ZNF66: variants seen among roughly 807,000 people sequenced by gnomAD.
ZNF66 encodes zinc finger protein 66.
Under a neutral mutation model 35.2 loss-of-function variants are expected in ZNF66, and 32 were observed. That is an observed-to-expected ratio of 0.91 (90% CI 0.69 to 1.22). The LOEUF (loss-of-function observed/expected upper bound fraction) is 1.22. Among genes scored for constraint, ZNF66 ranks in the 50% most tolerant of loss-of-function variants. ZNF66 has a pLI of 0.00. For synonymous variants in ZNF66, 231 were observed against 181.3 expected (o/e 1.27, Z -2.20); for missense variants, 666 against 543.1 (o/e 1.23, Z -2.25).
In ZNF66 at chr19:20,806,520, A is replaced by T; in HGVS notation, c.920A>T (p.His307Leu). ...LSSLSTHKII[H>L]TGEKPYKCEE... ...TCCCTTTCTACACATAAGATAATTCATACTGGAGAGAAACCCTACAAATGT... is the reference window on the plus strand; with the variant it reads ...TCCCTTTCTACACATAAGATAATTCTTACTGGAGAGAAACCCTACAAATGT... Residue 307 changes from histidine (H) to leucine (L), a missense_variant, in exon 4 of 4, where the codon CAT (histidine) becomes CTT (leucine). Coordinates refer to ENST00000344519, the MANE Select transcript of ZNF66 (RefSeq NM_001355197.2). 6.5e-7 allele frequency: 1 copy of T among 1,529,214 alleles called. No homozygotes were observed. Among genetic ancestry groups the T allele is most frequent in the Non-Finnish European group, 9.1e-7 (1 of 1,104,026 alleles). 94.7% of individuals were successfully genotyped at this position (1,529,214 alleles called of 1,614,324 possible).
At chr19:20,788,220 C>T (rs896600033) in intron 1 of ZNF66, among the ~76,000 whole-genome samples, 5 of 152,120 alleles carry the variant, frequency 3.3e-5, no homozygotes, top group African/African-American at 1.2e-4. Context: ...CATTAAAAAA[C>T]CATGAAGCAG....
chr19:20,803,321 T>TTA (rs1555783527), intron 3 of ZNF66, among the ~76,000 whole-genome samples: 1 of 151,452 alleles, frequency 6.6e-6, no homozygotes. Context: ...CTTTTTTTTT[T>TTA]ATCTTTGTAT....
Position 20,781,939 on chromosome 19 carries a change from A to AT in ZNF66, c.3+5493dup, listed in dbSNP as rs377399196. 3.0e-3 allele frequency among the ~76,000 whole-genome samples: 461 copies of AT among 151,334 alleles called. 2 individuals are homozygous for AT. Among genetic ancestry groups the AT allele is most frequent in the African/African-American group, 0.011 (446 of 41,226 alleles). ...ATATTTTGTTTTGACTAAATCTTTT[A>AT]TTTTATTTTATAGTTGGAGACAGAG... On this transcript the variant is annotated intron_variant, in intron 1 of 3. Transcript: ENST00000344519.
At chr19:20,789,741 A>G (rs1275350926) in intron 1 of ZNF66, among the ~76,000 whole-genome samples, 1 of 152,130 alleles carries the variant, frequency 6.6e-6, no homozygotes, top group Admixed American at 6.6e-5. Context: ...GAAATCCTGG[A>G]AATTATTAAA....
Position 20,806,063 on chromosome 19 carries a change from C to T in ZNF66, c.463C>T (p.His155Tyr), listed in dbSNP as rs538020538. The change falls in exon 4 of 4, where the codon CAT (histidine) becomes TAT (tyrosine). Residue 155 changes from histidine (H) to tyrosine (Y), a missense_variant. Transcript: ENST00000344519. ...FQCDKHGKVF[H>Y]QFSNTNRHKI... Reference sequence around the variant, plus strand: ...ATGTGATAAACATGGGAAAGTCTTTCATCAATTTTCAAATACAAACAGACA... The same window carrying T: ...ATGTGATAAACATGGGAAAGTCTTTTATCAATTTTCAAATACAAACAGACA... 9 of 846,186 alleles carry T rather than the reference C, an allele frequency of 1.1e-5. No individual in the cohort carries two copies. Among genetic ancestry groups the T allele is most frequent in the Non-Finnish European group, 1.8e-5 (9 of 501,358 alleles). The allele number at this position is 846,186 out of a possible 1,614,324, so 52.4% of individuals were successfully genotyped here. A position where few individuals can be genotyped will look rare whatever the true frequency, so the allele number is the denominator to read the frequency against.
chr19:20,794,092 C>A, intron 3 of ZNF66: 1 of 569,258 alleles, frequency 1.8e-6, no homozygotes, highest in Non-Finnish European at 3.1e-6. Context: ...TCTAAAAATT[C>A]TACTTTTCTC....
At chr19:20,804,437 G>T (rs62125624) in intron 3 of ZNF66, among the ~76,000 whole-genome samples, 20,030 of 151,806 alleles carry the variant, frequency 0.13, 1,540 homozygotes, top group African/African-American at 0.2. Context: ...TAGAGATAAG[G>T]TTTCACCATG....
At chr19:20,779,029 C>T (rs73543385) in intron 1 of ZNF66, among the ~76,000 whole-genome samples, 2,008 of 152,228 alleles carry the variant, frequency 0.013, 40 homozygotes, top group African/African-American at 0.046. Flanking sequence ...AGCCTGCTCA[C>T]CCCAGCCATA....
intron 3 of ZNF66, 90 bp from the exon 4 acceptor site, chr19:20,805,737 G>A (rs1438658908): frequency 4.5e-6 from 2 of 444,880 alleles, no homozygotes; most frequent in Non-Finnish European, 8.0e-6. Context: ...TCTTGTTTAT[G>A]TAGTTTGTAT....
chr19:20,804,021 T>G (rs148118944), intron 3 of ZNF66, among the ~76,000 whole-genome samples: 152 of 152,230 alleles, frequency 1.0e-3, no homozygotes, highest in African/African-American at 3.6e-3. Context: ...TTCTCTTATC[T>G]GTGATTTTTG....
At chr19:20,805,126 T>TGTGTGTGTGAGAGAGA (rs752355466) in intron 3 of ZNF66, among the ~76,000 whole-genome samples, 16 of 146,078 alleles carry the variant, frequency 1.1e-4, no homozygotes, top group African/African-American at 3.8e-4. Context: ...TGTGTGTGTG[T>TGTGTGTGTGAGAGAGA]GAGAGAGAGA....
intron 2 of ZNF66, among the ~76,000 whole-genome samples, chr19:20,792,965 G>A (rs541799952): frequency 6.6e-6 from 1 of 152,068 alleles, no homozygotes; most frequent in East Asian, 1.9e-4. Context: ...GACTCAGGAG[G>A]GTGAGGCAGG....
chr19:20,804,409 A>AT (rs1201445920), intron 3 of ZNF66, among the ~76,000 whole-genome samples: 1 of 151,694 alleles, frequency 6.6e-6, no homozygotes, highest in African/African-American at 2.4e-5. Flanking sequence ...ACACTTGGCT[A>AT]TTTTTTTATA....
rs779222957 is a variant in ZNF66 at position 20,806,589 on chromosome 19, C to T, written c.989C>T (p.Thr330Ile). ...TTCAACTGGTCCTCACACCTTACTA[C>T]ACATAAGAGAATTCATACTGGAGAG... ...KAFNWSSHLT[T>I]HKRIHTGEKP... Residue 330 changes from threonine to isoleucine, a missense_variant, in exon 4 of 4, where the codon ACA (threonine) becomes ATA (isoleucine). Physicochemically the swap from Thr to Ile is moderately conservative, Grantham distance 89. Transcript: ENST00000344519. 1 of 1,593,196 alleles carries T rather than the reference C, an allele frequency of 6.3e-7. No homozygotes were observed. Among genetic ancestry groups the T allele is most frequent in the East Asian group, 2.2e-5 (1 of 44,724 alleles).
intron 1 of ZNF66, among the ~76,000 whole-genome samples, chr19:20,790,553 G>T (rs1177468889): frequency 1.5e-5 from 2 of 130,828 alleles, no homozygotes; most frequent in Non-Finnish European, 3.3e-5. Context: ...TCATGGAGCA[G>T]CTCATTGCTC....
chr19:20,784,652 T>C lies in ZNF66; in HGVS notation c.4-7860T>C, dbSNP rs960201599. On this transcript the variant is annotated intron_variant, in intron 1 of 3. Coordinates refer to ENST00000344519, the MANE Select transcript of ZNF66 (RefSeq NM_001355197.2). The stretch of plus-strand genomic sequence containing the variant: ...ATTTCAATATAGAACCCCCATTCAA[T>C]GGCTAGAAGATGAGACAGCAGCAGA... 5.3e-5 allele frequency: 8 copies of C among 152,194 alleles called. No homozygotes were observed. The South Asian group carries it at 1.2e-3, about 24-fold the overall frequency. 9.4% of individuals were successfully genotyped at this position (152,194 alleles called of 1,614,324 possible). A position where few individuals can be genotyped will look rare whatever the true frequency, so the allele number is the denominator to read the frequency against.
intron 1 of ZNF66, among the ~76,000 whole-genome samples, chr19:20,791,620 A>C (rs1341316803): frequency 6.6e-6 from 1 of 152,172 alleles, no homozygotes; most frequent in Non-Finnish European, 1.5e-5. Flanking sequence ...TTACTACTAA[A>C]AATTACAGAA....
In ZNF66 at chr19:20,806,271, C is replaced by T. The variant is rs1971506978; in HGVS notation, c.671C>T (p.Thr224Ile). Residue 224 changes from threonine (T) to isoleucine (I), a missense_variant, in exon 4 of 4, where the codon ACT (threonine) becomes ATT (isoleucine). Thr to Ile is a moderately conservative substitution (Grantham distance 89, BLOSUM62 -1). Coordinates refer to ENST00000344519, the MANE Select transcript of ZNF66 (RefSeq NM_001355197.2). ...CTTACTACACATAAGATAATTCATA[C>T]TGGAGAGAAACGGTACAAATGTGAA... is the stretch of plus-strand genomic sequence containing the variant. The part of the protein sequence containing the change: ...SHLTTHKIIH[T>I]GEKRYKCEDC... 6.8e-7 allele frequency: 1 copy of T among 1,469,526 alleles called. No homozygotes were observed. Among genetic ancestry groups the T allele is most frequent in the Non-Finnish European group, 9.5e-7 (1 of 1,049,104 alleles). 91.0% of individuals were successfully genotyped at this position (1,469,526 alleles called of 1,614,324 possible).
At chr19:20,794,074 C>T in intron 3 of ZNF66, 196 bp downstream of exon 3, 1 of 577,960 alleles carries the variant, frequency 1.7e-6, no homozygotes, top group Non-Finnish European at 3.1e-6. Context: ...TCTTATGCTT[C>T]TAAATTCTCT....
Sources: allele counts gnomAD v4.1 joint callset (sites outside exome capture counted in the v4.1 genomes callset), GRCh38; gene constraint gnomAD v4.1.1; transcripts MANE v1.5; gene names NCBI Gene and HGNC (gene_info 2026-07-23, HGNC 2026-07-21).